MCMBP: variants seen among roughly 807,000 people sequenced by gnomAD.
The protein encoded by MCMBP is mini-chromosome maintenance complex-binding protein.
In MCMBP, 31 loss-of-function variants were observed where a neutral mutation model predicts 81.3. The observed-to-expected ratio is 0.38, with a 90% CI of 0.29 to 0.51. MCMBP has a LOEUF of 0.51. Among genes scored for constraint, MCMBP ranks in the 20% least tolerant of loss-of-function variants. The pLI, the probability that MCMBP is intolerant of heterozygous loss-of-function variation, is 0.87. For missense variants in MCMBP, 645 were observed against 772.1 expected (o/e 0.84, Z 1.95); for synonymous variants, 267 against 275.9 (o/e 0.97, Z 0.32).
At position 119,836,903 on chromosome 10, in the gene MCMBP, A is replaced by AGT. The variant is rs1442923204; in HGVS notation, c.1533_1534dup (p.Leu512HisfsTer15). ...AAAAATGACTCATCATACCGGGAGG[A>AGT]GTGACCTCCCCTCCGAAGTAATGAA... On this transcript the variant is annotated frameshift_variant, in exon 13 of 16. Transcript: ENST00000369077. LOFTEE classifies it high-confidence loss of function. 6.2e-7 allele frequency: 1 copy of AGT among 1,609,732 alleles called. No homozygotes were observed. Among genetic ancestry groups the AGT allele is most frequent in the Admixed American group, 1.7e-5 (1 of 59,574 alleles).
Position 119,859,168 on chromosome 10 carries a change from T to C in MCMBP, c.158A>G (p.Asn53Ser). ...NNAPKWVPSLNEVPLHYLKPN... is the reference protein window; with the variant it reads ...NNAPKWVPSLSEVPLHYLKPN... ...TTTCAAATAATGAAGGGGAACTTCG[T>C]TCAGTGATGGTACCTTAAAGGAAAA... Residue 53 changes from asparagine to serine, a missense_variant, in exon 3 of 16, where the codon AAC becomes AGC. Physicochemically the swap from Asn to Ser is conservative, Grantham distance 46. Transcript: ENST00000369077. 6.2e-7 allele frequency: 1 copy of C among 1,613,444 alleles called. No individual in the cohort carries two copies. Among genetic ancestry groups the C allele is most frequent in the Non-Finnish European group, 8.5e-7 (1 of 1,179,826 alleles).
At chr10:119,866,742 C>CA (rs1363904070) in intron 1 of MCMBP, among the ~76,000 whole-genome samples, 19 of 151,894 alleles carry the variant, frequency 1.3e-4, no homozygotes, top group African/African-American at 4.6e-4. Flanking sequence ...AATTTTATTT[C>CA]AAAGAAAAAA....
Position 119,830,174 on chromosome 10 carries a change from A to AC in MCMBP, c.*1299dup, listed in dbSNP as rs1851959236. On this transcript the variant is annotated 3_prime_UTR_variant, in exon 16 of 16. Transcript: ENST00000369077. ...TGAATTCCTTGATTTTTCAAGGCTGACCCTGTTTCCTTGGTTAACAATTTC... is the reference window on the plus strand; with the variant it reads ...TGAATTCCTTGATTTTTCAAGGCTGACCCCTGTTTCCTTGGTTAACAATTTC... 1 of 152,622 alleles carries AC rather than the reference A, an allele frequency of 6.6e-6. No homozygotes were observed. The highest frequency in any genetic ancestry group is 2.4e-5 in the African/African-American group (1 of 41,452). The allele number at this position is 152,622 out of a possible 1,614,324, so 9.5% of individuals were successfully genotyped here. A position where few individuals can be genotyped will look rare whatever the true frequency, so the allele number is the denominator to read the frequency against.
chr10:119,835,766 A>C, intron 13 of MCMBP, 62 bp from the exon 14 acceptor site: 1 of 1,537,488 alleles, frequency 6.5e-7, no homozygotes, highest in South Asian at 1.1e-5. Flanking sequence ...ATTTTTAAAG[A>C]AAGATGCATC....
chr10:119,841,676 G>T (rs1852438218), intron 10 of MCMBP, among the ~76,000 whole-genome samples: 1 of 152,236 alleles, frequency 6.6e-6, no homozygotes, highest in Non-Finnish European at 1.5e-5. Context: ...GAGGTTCTAA[G>T]TGGTGAAATT....
Position 119,836,940 on chromosome 10 carries a change from T to A in MCMBP, c.1498A>T (p.Asn500Tyr), listed in dbSNP as rs1852267967. Residue 500 changes from asparagine to tyrosine, a missense_variant, in exon 13 of 16, where the codon AAT (asparagine) becomes TAT (tyrosine). Coordinates refer to ENST00000369077, the MANE Select transcript of MCMBP (RefSeq NM_001256378.2). ...FSYHQMEFPC[N>Y]INVFITSEGR... Reference sequence around the variant, plus strand: ...TCCGAAGTAATGAAAACGTTAATATTGCAGGGGAATTCCATCTGATGGTAG... The same window carrying A: ...TCCGAAGTAATGAAAACGTTAATATAGCAGGGGAATTCCATCTGATGGTAG... The A allele has an allele frequency of 6.2e-7, 1 of 1,613,700 alleles. No homozygotes were observed. The highest frequency in any genetic ancestry group is 1.1e-5 in the South Asian group (1 of 91,046).
At chr10:119,869,448 T>A (rs2134413748) in intron 1 of MCMBP, among the ~76,000 whole-genome samples, 1 of 152,278 alleles carries the variant, frequency 6.6e-6, no homozygotes, top group Admixed American at 6.5e-5. Flanking sequence ...GGCATGCACC[T>A]GTAATCCCAG....
Position 119,829,722 on chromosome 10 carries a change from A to G in MCMBP, c.*1752T>C, listed in dbSNP as rs184635011. 34 of 152,244 alleles carry G rather than the reference A, an allele frequency of 2.2e-4. No individual in the cohort carries two copies. Among genetic ancestry groups the G allele is most frequent in the African/African-American group, 8.2e-4 (34 of 41,528 alleles). 9.4% of individuals were successfully genotyped at this position (152,244 alleles called of 1,614,324 possible). A position where few individuals can be genotyped will look rare whatever the true frequency, so the allele number is the denominator to read the frequency against. On this transcript the variant is annotated 3_prime_UTR_variant, in exon 16 of 16. Coordinates refer to ENST00000369077, the MANE Select transcript of MCMBP (RefSeq NM_001256378.2). ...CTCTCTCATGTCTTCCACCAAGAGG[A>G]CATGGTCTTTTTCCACACAGATCAC... is the stretch of plus-strand genomic sequence containing the variant.
intron 14 of MCMBP, among the ~76,000 whole-genome samples, chr10:119,833,923 G>T (rs969626104): frequency 2.0e-5 from 3 of 152,042 alleles, no homozygotes; most frequent in Non-Finnish European, 4.4e-5. Context: ...TTAGAAGAAG[G>T]AAATAAAAAT....
intron 6 of MCMBP, among the ~76,000 whole-genome samples, chr10:119,852,081 G>A (rs1852843552): frequency 1.4e-5 from 2 of 145,006 alleles, no homozygotes; most frequent in Non-Finnish European, 3.0e-5. Flanking sequence ...GAACCCAAGA[G>A]GTGGAGCTTG....
chr10:119,841,275 T>C (rs891789591), intron 10 of MCMBP, among the ~76,000 whole-genome samples: 3 of 152,214 alleles, frequency 2.0e-5, no homozygotes, highest in Non-Finnish European at 4.4e-5. Flanking sequence ...ATAAGCAACA[T>C]GTTCATCTAA....
intron 5 of MCMBP, among the ~76,000 whole-genome samples, chr10:119,853,760 CAG>C (rs1393228612): frequency 6.6e-6 from 1 of 152,158 alleles, no homozygotes; most frequent in Non-Finnish European, 1.5e-5. Flanking sequence ...TGCTAGTTGG[CAG>C]AGAGTTAAAT....
In MCMBP at chr10:119,853,107, C is replaced by T. The variant is rs777017737; in HGVS notation, c.517G>A (p.Asp173Asn). The T allele has an allele frequency of 5.0e-6, 8 of 1,614,174 alleles. No homozygotes were observed. The highest frequency in any genetic ancestry group is 4.5e-5 in the East Asian group (2 of 44,880). ...TGCTTATTGGGCTGTAGGTCCATAT[C>T]GTCATCATCTTCATAACTCCTCTTG... ...RHKRSYEDDD[D>N]MDLQPNKQKD... The change falls in exon 6 of 16, where the codon GAT becomes AAT. Residue 173 changes from aspartate (D) to asparagine (N), a missense_variant. Asp to Asn is a conservative substitution (Grantham distance 23). Transcript: ENST00000369077.
intron 1 of MCMBP, among the ~76,000 whole-genome samples, chr10:119,865,183 T>C (rs972333151): frequency 2.6e-5 from 4 of 152,270 alleles, no homozygotes; most frequent in Non-Finnish European, 4.4e-5. Context: ...GGTTTTTGCA[T>C]CATACATTTT....
At chr10:119,860,990 C>G (rs554951474) in intron 1 of MCMBP, among the ~76,000 whole-genome samples, 20 of 152,324 alleles carry the variant, frequency 1.3e-4, no homozygotes, top group African/African-American at 4.8e-4. Context: ...CCATCTACAG[C>G]AGGCACTTAT....
intron 14 of MCMBP, among the ~76,000 whole-genome samples, chr10:119,833,220 T>C (rs1398160926): frequency 1.3e-5 from 2 of 152,286 alleles, no homozygotes; most frequent in South Asian, 2.1e-4. Flanking sequence ...ATACAGACTT[T>C]ATAGAATTAG....
intron 1 of MCMBP, among the ~76,000 whole-genome samples, chr10:119,867,292 C>CAAAAAAA (rs372338008): frequency 2.1e-5 from 1 of 48,714 alleles, no homozygotes; most frequent in Non-Finnish European, 3.4e-5. Flanking sequence ...GACTCCATCT[C>CAAAAAAA]AAAAAAAAAA....
intron 7 of MCMBP, among the ~76,000 whole-genome samples, chr10:119,848,033 CTA>C (rs147724980): frequency 0.11 from 16,440 of 151,734 alleles, 940 homozygotes; most frequent in South Asian, 0.17. Context: ...GAACTGTGCA[CTA>C]TCTCAAAACC....
At chr10:119,860,626 T>C (rs1853222173) in intron 1 of MCMBP, among the ~76,000 whole-genome samples, 1 of 152,322 alleles carries the variant, frequency 6.6e-6, no homozygotes, top group African/African-American at 2.4e-5. Context: ...CAGCTTAGGA[T>C]CACTTTTGCA....
Sources: allele counts gnomAD v4.1 joint callset (sites outside exome capture counted in the v4.1 genomes callset), GRCh38; gene constraint gnomAD v4.1.1; transcripts MANE v1.5; gene names NCBI Gene and HGNC (gene_info 2026-07-23, HGNC 2026-07-21).